Variants in RANBP17 observed in about 807,000 individuals in gnomAD.
RANBP17 encodes ran-binding protein 17.
In RANBP17, 158 loss-of-function variants were observed where a neutral mutation model predicts 141.2. The ratio of observed to expected loss-of-function variants is 1.12; its 90% CI spans 0.98 to 1.28. The LOEUF (loss-of-function observed/expected upper bound fraction) is 1.28. Among genes scored for constraint, RANBP17 ranks in the 50% most tolerant of loss-of-function variants. The pLI, the probability that RANBP17 is intolerant of heterozygous loss-of-function variation, is 0.00. For missense variants in RANBP17, 1,438 were observed against 1,290.7 expected, an observed-to-expected ratio of 1.11 and a Z score of -1.75; for synonymous variants, 430 against 450.0, an observed-to-expected ratio of 0.96 and a Z score of 0.56.
intron 19 of RANBP17, among the ~76,000 whole-genome samples, chr5:171,204,969 T>C (rs1762489903): frequency 6.6e-6 from 1 of 152,216 alleles, no homozygotes; most frequent in Non-Finnish European, 1.5e-5. Context: ...TATAGAACTC[T>C]TTTCCTTACA....
chr5:171,038,213 A>C (rs1194446849), intron 14 of RANBP17, among the ~76,000 whole-genome samples: 8 of 150,778 alleles, frequency 5.3e-5, no homozygotes, highest in African/African-American at 1.9e-4. Context: ...CACAGCAATT[A>C]TAAATGTGAT....
intron 24 of RANBP17, among the ~76,000 whole-genome samples, chr5:171,249,781 T>C (rs1334744787): frequency 1.3e-5 from 2 of 152,140 alleles, no homozygotes; most frequent in African/African-American, 4.8e-5. Flanking sequence ...CATAAAGTGA[T>C]TGAATATTCA....
intron 14 of RANBP17, among the ~76,000 whole-genome samples, chr5:171,168,132 A>G (rs537639745): frequency 6.6e-6 from 1 of 152,310 alleles, no homozygotes; most frequent in South Asian, 2.1e-4. Flanking sequence ...AGAAGCACTC[A>G]GTGTCATGAG....
At chr5:171,265,553 A>T (rs1024105362) in intron 24 of RANBP17, 128 bp from the exon 25 acceptor site, 21 of 877,790 alleles carry the variant, frequency 2.4e-5, no homozygotes, top group Non-Finnish European at 3.7e-5. Context: ...TCCTGCCCTC[A>T]AAGAACTTGC....
intron 14 of RANBP17, among the ~76,000 whole-genome samples, chr5:171,043,776 T>C (rs1172500778): frequency 6.6e-6 from 1 of 152,100 alleles, no homozygotes; most frequent in Non-Finnish European, 1.5e-5. Context: ...ATAATATTTA[T>C]TGACCTTCAA....
chr5:170,997,127 G>T (rs1383747776), intron 14 of RANBP17, among the ~76,000 whole-genome samples: 3 of 152,122 alleles, frequency 2.0e-5, no homozygotes, highest in African/African-American at 7.2e-5. Context: ...GGTAGTTCCT[G>T]CTGCATTCAT....
At chr5:171,210,998 C>A (rs143630728) in intron 20 of RANBP17, among the ~76,000 whole-genome samples, 1 of 128,818 alleles carries the variant, frequency 7.8e-6, no homozygotes. Flanking sequence ...AACAAGACCC[C>A]GTCAAAAAAA....
At chr5:170,919,811 TTCAGTCAGCC>T (rs1055073154) in intron 11 of RANBP17, among the ~76,000 whole-genome samples, 198 bp downstream of exon 11, 1 of 152,098 alleles carries the variant, frequency 6.6e-6, no homozygotes, top group Non-Finnish European at 1.5e-5. Flanking sequence ...TGGCTCCTTT[TTCAGTCAGCC>T]CCTCTCCTCA....
At chr5:171,253,421 A>G (rs1303014045) in intron 24 of RANBP17, among the ~76,000 whole-genome samples, 1 of 152,246 alleles carries the variant, frequency 6.6e-6, no homozygotes, top group Non-Finnish European at 1.5e-5. Flanking sequence ...AAGCATATTC[A>G]GTGGTCTTTT....
chr5:171,268,058 C>A (rs1326475822), intron 25 of RANBP17, among the ~76,000 whole-genome samples: 2 of 152,112 alleles, frequency 1.3e-5, no homozygotes, highest in African/African-American at 2.4e-5. Context: ...GGAACTGTTA[C>A]AACATGTTGG....
chr5:171,149,874 C>T (rs563995522), intron 14 of RANBP17, among the ~76,000 whole-genome samples: 5 of 152,280 alleles, frequency 3.3e-5, no homozygotes, highest in African/African-American at 9.6e-5. Context: ...AAAATAACAG[C>T]GATCTCCTCT....
At position 171,295,982 on chromosome 5, in the gene RANBP17, G is replaced by A; in HGVS notation, c.3138G>A (p.Val1046=). Residue 1046 remains valine, a synonymous_variant, in exon 27 of 28, where the codon GTG becomes GTA. Coordinates refer to ENST00000523189, the MANE Select transcript of RANBP17 (RefSeq NM_022897.5). ...GCTTCAGAAACCTAATGGAAGGAGT[G>A]GAGCAGAACCTGTCCGTCAAGAACA... ...AQCFRNLMEG[V]EQNLSVKNRD... is the part of the protein sequence containing the mutation. The A allele has an allele frequency of 6.2e-7, 1 of 1,613,840 alleles. No homozygotes were observed. Among genetic ancestry groups the A allele is most frequent in the Admixed American group, 1.7e-5 (1 of 60,010 alleles).
At chr5:171,058,875 C>T (rs896414205) in intron 14 of RANBP17, among the ~76,000 whole-genome samples, 8 of 150,384 alleles carry the variant, frequency 5.3e-5, no homozygotes, top group African/African-American at 1.9e-4. Flanking sequence ...GAGATGGTAT[C>T]TCATTGTGGT....
chr5:171,178,017 G>A (rs1213145839), intron 16 of RANBP17, among the ~76,000 whole-genome samples: 3 of 146,676 alleles, frequency 2.0e-5, no homozygotes, highest in Non-Finnish European at 4.5e-5. Flanking sequence ...GATTTTTTAT[G>A]TGGTTTTTTT....
chr5:171,225,486 A>G (rs1192209034), intron 22 of RANBP17, among the ~76,000 whole-genome samples: 3 of 152,240 alleles, frequency 2.0e-5, no homozygotes, highest in East Asian at 3.8e-4. Context: ...AAATTCTAAT[A>G]TACACATTGG....
chr5:171,147,045 C>T (rs1437409323), intron 14 of RANBP17, among the ~76,000 whole-genome samples: 1 of 151,920 alleles, frequency 6.6e-6, no homozygotes, highest in Non-Finnish European at 1.5e-5. Flanking sequence ...CAGCAGTTTC[C>T]AAAGGACATT....
At chr5:171,294,198 C>T (rs182093263) in intron 26 of RANBP17, among the ~76,000 whole-genome samples, 8 of 152,318 alleles carry the variant, frequency 5.3e-5, no homozygotes, top group African/African-American at 1.9e-4. Context: ...ACGAGTGCTT[C>T]TGGAGCCCAG....
intron 14 of RANBP17, among the ~76,000 whole-genome samples, chr5:171,021,996 A>ATTGT (rs932391169): frequency 1.3e-5 from 2 of 151,744 alleles, no homozygotes; most frequent in East Asian, 1.9e-4. Flanking sequence ...CTGTTGTTGC[A>ATTGT]TTGTTTGTTT....
intron 13 of RANBP17, among the ~76,000 whole-genome samples, chr5:170,956,916 A>G (rs1278582335): frequency 1.3e-5 from 2 of 151,822 alleles, no homozygotes; most frequent in African/African-American, 4.8e-5. Flanking sequence ...CTAAAAATAC[A>G]AAAATTAGCC....
Sources: allele counts gnomAD v4.1 joint callset (sites outside exome capture counted in the v4.1 genomes callset), GRCh38; gene constraint gnomAD v4.1.1; transcripts MANE v1.5; gene names NCBI Gene and HGNC (gene_info 2026-07-23, HGNC 2026-07-21).